The following NLRP1 variants were observed in gnomAD, a reference collection of about 807,000 sequenced individuals.
The protein encoded by NLRP1 is NACHT, LRR and PYD domains-containing protein 1.
In NLRP1, 94 loss-of-function variants were observed where a neutral mutation model predicts 136.7. The ratio of observed to expected loss-of-function variants is 0.69; its 90% CI spans 0.58 to 0.82. The LOEUF is 0.82. NLRP1 is among the 40% of genes least tolerant of loss of function. The pLI, the probability that NLRP1 is intolerant of heterozygous loss-of-function variation, is 0.00. For missense variants in NLRP1, 1,575 were observed against 1,802.7 expected, an observed-to-expected ratio of 0.87 and a Z score of 2.29; for synonymous variants, 690 against 725.1, an observed-to-expected ratio of 0.95 and a Z score of 0.78.
intron 4 of NLRP1, among the ~76,000 whole-genome samples, chr17:5,556,713 CT>C (rs1914137238): frequency 6.6e-6 from 1 of 151,970 alleles, no homozygotes; most frequent in Admixed American, 6.6e-5. Flanking sequence ...ACCTCTGCCC[CT>C]GACCTGTCAA....
At position 5,523,373 on chromosome 17, in the gene NLRP1, GCTGTCTCCGTATTTTCTGCCGC is replaced by G. The variant is rs201206212; in HGVS notation, c.3521-1609_3521-1588del. On this transcript the variant is annotated intron_variant, in intron 12 of 16. Coordinates refer to ENST00000572272, the MANE Select transcript of NLRP1 (RefSeq NM_033004.4). ...TCCTGGGCAGGAGGGTCCTACAGTAGCTGTCTCCGTATTTTCTGCCGCCTGTCTCCGTATTTTCCTGATGTGA... is the reference window on the plus strand; with the variant it reads ...TCCTGGGCAGGAGGGTCCTACAGTAGCTGTCTCCGTATTTTCCTGATGTGA... Among the ~76,000 whole-genome samples, 3 of 152,158 alleles carry G rather than the reference GCTGTCTCCGTATTTTCTGCCGC, an allele frequency of 2.0e-5. No individual in the cohort carries two copies. In the East Asian group the frequency reaches 5.8e-4, roughly 29 times the overall value.
At chr17:5,511,149 G>C (rs1907601909), downstream of NLRP1, among the ~76,000 whole-genome samples, 1 of 152,134 alleles carries the variant, frequency 6.6e-6, no homozygotes. Context: ...TCCAGATCCA[G>C]GCCGGGCACG....
intron 14 of NLRP1, among the ~76,000 whole-genome samples, chr17:5,519,369 C>T (rs977478131): frequency 4.9e-4 from 75 of 151,606 alleles, no homozygotes; most frequent in African/African-American, 1.7e-3. Flanking sequence ...TGGTCTGGAA[C>T]TCCTGATCTT....
intron 5 of NLRP1, among the ~76,000 whole-genome samples, chr17:5,542,891 G>A (rs537494887): frequency 2.7e-4 from 41 of 151,818 alleles, no homozygotes; most frequent in Non-Finnish European, 4.0e-4. Flanking sequence ...GTGCAGTGGC[G>A]TGATCTCGGC....
intron 5 of NLRP1, among the ~76,000 whole-genome samples, chr17:5,548,439 T>C (rs1051591305): frequency 1.3e-5 from 2 of 152,308 alleles, no homozygotes; most frequent in East Asian, 1.9e-4. Context: ...TTCTCCTTCT[T>C]GTGTCTTTTA....
In NLRP1 at chr17:5,522,981, A is replaced by C. The variant is rs375687682; in HGVS notation, c.3521-1195T>G. ...TGGCAGGAGGCAAGCCAAGCCCCCC[A>C]CTCAGGATGCTACTACTCCCTGGCA... On this transcript the variant is annotated intron_variant, in intron 12 of 16. Transcript: ENST00000572272. 2.2e-4 allele frequency among the ~76,000 whole-genome samples: 34 copies of C among 152,184 alleles called. No homozygotes were observed. In the East Asian group the frequency reaches 2.9e-3, roughly 13 times the overall value.
chr17:5,580,844 G>T (rs1905559428), intron 3 of NLRP1, among the ~76,000 whole-genome samples: 1 of 152,122 alleles, frequency 6.6e-6, no homozygotes, highest in Non-Finnish European at 1.5e-5. Context: ...TAAAGTATTA[G>T]AATCTTCCTT....
intron 11 of NLRP1, 68 bp downstream of exon 11, chr17:5,532,754 G>T (rs1194036032): frequency 6.3e-6 from 9 of 1,429,924 alleles, no homozygotes; most frequent in Non-Finnish European, 8.4e-6. Flanking sequence ...CTGACTGTCT[G>T]TGGGGACCCA....
chr17:5,507,492 C>T (rs1056145578), intron 15 of NLRP1, among the ~76,000 whole-genome samples: 6 of 151,916 alleles, frequency 3.9e-5, no homozygotes, highest in African/African-American at 1.5e-4. Context: ...TCCAGGAGTT[C>T]CAGACGAGCC....
At chr17:5,560,194 T>G in intron 3 of NLRP1, 151 bp from the exon 4 acceptor site, 1 of 718,438 alleles carries the variant, frequency 1.4e-6, no homozygotes, top group East Asian at 2.8e-5. Flanking sequence ...GAAGGACATG[T>G]GCTTTGGGGT....
At chr17:5,536,827 AG>A in intron 8 of NLRP1, 23 bp downstream of exon 8, 1 of 1,564,958 alleles carries the variant, frequency 6.4e-7, no homozygotes, top group Non-Finnish European at 8.8e-7. Context: ...GGTCAGCCAG[AG>A]GGAGTTCTGG....
chr17:5,537,365 G>C lies in NLRP1; in HGVS notation c.2871-425C>G, dbSNP rs996730991. On this transcript the variant is annotated intron_variant, in intron 7 of 16. Coordinates refer to ENST00000572272, the MANE Select transcript of NLRP1 (RefSeq NM_033004.4). The surrounding 1 kb of genome is among the most constrained non-coding windows in gnomAD (Gnocchi z 4.5). ...AGGCTGTCTCTACAGCCGGCTGCCA[G>C]GGATTTCCCCATGGCCTCAAAATGA... Among the ~76,000 whole-genome samples, 9 of 152,342 alleles carry C rather than the reference G, an allele frequency of 5.9e-5. No homozygotes were observed. The highest frequency in any genetic ancestry group is 5.8e-4 in the East Asian group (3 of 5,170).
intron 12 of NLRP1, 115 bp downstream of exon 12, chr17:5,530,366 C>G (rs373713651): frequency 4.7e-6 from 4 of 845,326 alleles, no homozygotes; most frequent in Non-Finnish European, 7.6e-6. Context: ...CCATAACCCC[C>G]CCTCGGCCCC....
chr17:5,517,270 T>C (rs1908234497), intron 15 of NLRP1, among the ~76,000 whole-genome samples: 2 of 150,258 alleles, frequency 1.3e-5, no homozygotes, highest in Admixed American at 6.7e-5. Context: ...ACAACTGTTA[T>C]GTAACTTGAG....
At chr17:5,529,152 T>C (rs1909911639) in intron 12 of NLRP1, among the ~76,000 whole-genome samples, 1 of 152,228 alleles carries the variant, frequency 6.6e-6, no homozygotes, top group Admixed American at 6.5e-5. Flanking sequence ...AGACTAATCT[T>C]GATTTTTTCT....
chr17:5,503,187 G>C (rs894872472), intron 15 of NLRP1: 3 of 152,516 alleles, frequency 2.0e-5, no homozygotes, highest in African/African-American at 7.2e-5. Context: ...ATGAAAGGGT[G>C]TGTAGGGTGC....
rs1418473095 is a variant in NLRP1 at position 5,559,151 on chromosome 17, G to A, written c.1545C>T (p.Ala515=). The A allele has an allele frequency of 5.6e-6, 9 of 1,614,114 alleles. 1 individual carries two copies. The South Asian group carries it at 8.8e-5, about 16-fold the overall frequency. ...RLVKSNKELW[A]LCLVPWVSWL... is the part of the protein sequence containing the mutation. ...AGGACACCCAGGGCACAAGACACAGGGCCCAGAGCTCTTTGTTTGATTTGA... is the reference window on the plus strand; with the variant it reads ...AGGACACCCAGGGCACAAGACACAGAGCCCAGAGCTCTTTGTTTGATTTGA... The change falls in exon 4 of 17, where the codon GCC becomes GCT. Residue 515 remains alanine, a synonymous_variant. Transcript: ENST00000572272.
chr17:5,534,471 A>C (rs1001408620), intron 8 of NLRP1, among the ~76,000 whole-genome samples: 41 of 152,292 alleles, frequency 2.7e-4, no homozygotes, highest in African/African-American at 9.6e-4. Context: ...CCACCCATGC[A>C]TCCAGGCTAG....
At chr17:5,533,152 G>A in intron 10 of NLRP1, 152 bp downstream of exon 10, 1 of 1,457,364 alleles carries the variant, frequency 6.9e-7, no homozygotes, top group Non-Finnish European at 9.1e-7. Context: ...TGCTGTCTGG[G>A]GAGCCCCACT....
Sources: gnomAD v4.1 joint callset for allele counts (sites outside exome capture counted in the v4.1 genomes callset) on GRCh38, gnomAD v4.1.1 for gene constraint, Gnocchi (gnomAD v3.1) non-coding constraint, MANE v1.5 for transcripts, NCBI Gene and HGNC (gene_info 2026-07-23, HGNC 2026-07-21) for gene names.